Variants in GALNT13 observed in about 807,000 individuals in gnomAD.
GALNT13 encodes the protein polypeptide N-acetylgalactosaminyltransferase 13.
A neutral mutation model predicts 64.2 loss-of-function variants in GALNT13; 28 were observed. That is an observed-to-expected ratio of 0.44 (90% CI 0.32 to 0.60). The LOEUF (loss-of-function observed/expected upper bound fraction) is 0.60, where lower values mean the gene tolerates loss of function less well. GALNT13 is among the 20% of genes least tolerant of loss of function. The probability of loss-of-function intolerance (pLI) is 0.05; values close to 1 mark genes in which losing one functional copy is unlikely to be tolerated. For synonymous variants in GALNT13, 214 were observed against 224.6 expected, an observed-to-expected ratio of 0.95 and a Z score of 0.42; for missense variants, 577 against 669.8, an observed-to-expected ratio of 0.86 and a Z score of 1.53.
chr2:154,054,287 C>G (rs1313366798), intron 3 of GALNT13, among the ~76,000 whole-genome samples: 2 of 151,712 alleles, frequency 1.3e-5, no homozygotes, highest in Non-Finnish European at 2.9e-5. Flanking sequence ...TGCTACCTTT[C>G]TCTTTACTTT....
intron 1 of GALNT13, among the ~76,000 whole-genome samples, chr2:153,872,688 G>C (rs1157492531): frequency 1.3e-5 from 2 of 150,652 alleles, no homozygotes; most frequent in South Asian, 2.1e-4. Context: ...GGGGTGGCTC[G>C]GCCTCCAAGC....
At chr2:153,179,071 G>A in the GALNT13 span, among the ~76,000 whole-genome samples, 1 of 152,088 alleles carries the variant, frequency 6.6e-6, no homozygotes, top group East Asian at 1.9e-4. Flanking sequence ...TTTTGCTTTT[G>A]TTGCCTGTGC....
At chr2:153,534,604 T>G in the GALNT13 span, among the ~76,000 whole-genome samples, 77,642 of 147,468 alleles carry the variant, frequency 0.53, 21,551 homozygotes, top group East Asian at 0.78. Flanking sequence ...AGAGAGTCAG[T>G]GAAGGGAGAT....
chr2:153,523,043 A>ATTTTTTTTTTTTTTTTTTTTTT, the GALNT13 span, among the ~76,000 whole-genome samples: 1 of 83,404 alleles, frequency 1.2e-5, no homozygotes, highest in African/African-American at 4.9e-5. Flanking sequence ...TGTGTTTACT[A>ATTTTTTTTTTTTTTTTTTTTTT]TTTTTTTTTT....
intron 9 of GALNT13, among the ~76,000 whole-genome samples, chr2:154,393,207 A>G (rs1698877718): frequency 1.3e-5 from 2 of 152,186 alleles, no homozygotes; most frequent in African/African-American, 4.8e-5. Flanking sequence ...TACATATCAA[A>G]CCATGGATCT....
chr2:153,486,166 G>C, the GALNT13 span, among the ~76,000 whole-genome samples: 1 of 152,044 alleles, frequency 6.6e-6, no homozygotes, highest in Non-Finnish European at 1.5e-5. Flanking sequence ...TCAAACTCCT[G>C]ACCTTGTGAT....
At chr2:153,270,980 C>T in the GALNT13 span, among the ~76,000 whole-genome samples, 492 of 152,210 alleles carry the variant, frequency 3.2e-3, 1 homozygote, top group African/African-American at 0.011. Flanking sequence ...ACTCATAAAA[C>T]GTAATCCATC....
the GALNT13 span, among the ~76,000 whole-genome samples, chr2:153,640,131 A>C: frequency 6.6e-6 from 1 of 151,948 alleles, no homozygotes; most frequent in Admixed American, 6.6e-5. Context: ...GTCTCAAATA[A>C]AGCACCGAGA....
At chr2:153,567,420 TGGTAGAAGTCCA>T in the GALNT13 span, among the ~76,000 whole-genome samples, 1 of 152,218 alleles carries the variant, frequency 6.6e-6, no homozygotes, top group Non-Finnish European at 1.5e-5. Flanking sequence ...CCATTAGCAT[TGGTAGAAGTCCA>T]GGTAAGGACA....
chr2:153,782,003 T>A, the GALNT13 span, among the ~76,000 whole-genome samples: 7 of 152,284 alleles, frequency 4.6e-5, no homozygotes, highest in Non-Finnish European at 7.4e-5. Flanking sequence ...AGAACTAATG[T>A]CTATAGTCAA....
At chr2:153,403,152 G>C in the GALNT13 span, among the ~76,000 whole-genome samples, 13 of 151,332 alleles carry the variant, frequency 8.6e-5, no homozygotes, top group South Asian at 2.5e-3. Context: ...TAACAGAGAG[G>C]ACCCTCAGCT....
chr2:153,873,344 T>G (rs2105214790), intron 1 of GALNT13, among the ~76,000 whole-genome samples: 1 of 152,338 alleles, frequency 6.6e-6, no homozygotes, highest in Admixed American at 6.5e-5. Context: ...GCTGCGAACC[T>G]GAGCGCACTG....
At chr2:154,062,191 G>A (rs10199337) in intron 3 of GALNT13, among the ~76,000 whole-genome samples, 7,624 of 152,136 alleles carry the variant, frequency 0.05, 378 homozygotes, top group African/African-American at 0.13. Context: ...AGAGTTTAGT[G>A]TTCTGAGTCA....
intron 3 of GALNT13, among the ~76,000 whole-genome samples, chr2:154,043,414 T>TTA (rs1179722579): frequency 0.023 from 1,759 of 77,558 alleles, 20 homozygotes; most frequent in Middle Eastern, 0.042. Context: ...ATAAGGACTT[T>TTA]TATATATATA....
the GALNT13 span, among the ~76,000 whole-genome samples, chr2:153,514,069 T>C: frequency 6.6e-6 from 1 of 152,208 alleles, no homozygotes; most frequent in South Asian, 2.1e-4. Flanking sequence ...TTTTTTTCTC[T>C]AATTCTGGGG....
intron 9 of GALNT13, among the ~76,000 whole-genome samples, chr2:154,381,785 A>G (rs1369666861): frequency 6.6e-6 from 1 of 152,008 alleles, no homozygotes; most frequent in Non-Finnish European, 1.5e-5. Context: ...CAATTTTTTG[A>G]TTTTATACTG....
chr2:153,965,615 G>C (rs1217950047), intron 3 of GALNT13, among the ~76,000 whole-genome samples: 1 of 151,612 alleles, frequency 6.6e-6, no homozygotes, highest in Non-Finnish European at 1.5e-5. Flanking sequence ...TCTTCTTAAT[G>C]TTTTTCTTTA....
chr2:153,612,605 A>T, the GALNT13 span, among the ~76,000 whole-genome samples: 1 of 151,702 alleles, frequency 6.6e-6, no homozygotes, highest in Non-Finnish European at 1.5e-5. Flanking sequence ...TCTCCAGTAC[A>T]TTCGAGGTTT....
At chr2:153,676,796 A>T in the GALNT13 span, among the ~76,000 whole-genome samples, 1 of 152,288 alleles carries the variant, frequency 6.6e-6, no homozygotes, top group Admixed American at 6.5e-5. Flanking sequence ...ATCTCAGTAG[A>T]TGTAGAAAAG....
Sources: gnomAD v4.1 joint callset for allele counts (sites outside exome capture counted in the v4.1 genomes callset) on GRCh38, gnomAD v4.1.1 for gene constraint, MANE v1.5 for transcripts, NCBI Gene and HGNC (gene_info 2026-07-23, HGNC 2026-07-21) for gene names.